The following WWOX variants were observed in gnomAD, a reference collection of about 807,000 sequenced individuals.
WWOX encodes WW domain containing oxidoreductase.
WWOX carries 69 observed loss-of-function variants against 46.2 expected under a neutral mutation model. That is an observed-to-expected ratio of 1.49 (90% confidence interval 1.23 to 1.82). WWOX has a LOEUF of 1.82. Ranked by LOEUF, WWOX falls within the 40% of genes most tolerant of loss-of-function variation. The pLI is 0.00. For synonymous variants in WWOX, 359 were observed against 202.6 expected, an observed-to-expected ratio of 1.77 and a Z score of -6.56; for missense variants, 919 against 542.6, an observed-to-expected ratio of 1.69 and a Z score of -6.89.
intron 8 of WWOX, among the ~76,000 whole-genome samples, chr16:79,008,347 C>G (rs906049517): frequency 6.6e-6 from 1 of 152,204 alleles, no homozygotes; most frequent in Non-Finnish European, 1.5e-5. Context: ...ATCAGTCCCA[C>G]TTAGGATTGA....
rs560257854 is a variant in WWOX at position 78,906,625 on chromosome 16, A to G, written c.1057-304983A>G. On this transcript the variant is annotated intron_variant, in intron 8 of 8. Coordinates refer to ENST00000566780, the MANE Select transcript of WWOX (RefSeq NM_016373.4). ...GAAGTCAGGAGAGCAAAACCATGCCAGTCAGCTTCAGTGATGATAAAGGTT... is the reference window on the plus strand; with the variant it reads ...GAAGTCAGGAGAGCAAAACCATGCCGGTCAGCTTCAGTGATGATAAAGGTT... 3.3e-5 allele frequency among the ~76,000 whole-genome samples: 5 copies of G among 152,366 alleles called. No homozygotes were observed. The South Asian group carries it at 1.0e-3, about 32-fold the overall frequency.
chr16:78,573,678 A>G (rs1489860192), intron 8 of WWOX, among the ~76,000 whole-genome samples: 2 of 152,208 alleles, frequency 1.3e-5, no homozygotes, highest in African/African-American at 2.4e-5. Flanking sequence ...GTAGACAGCC[A>G]TAAGATGGGT....
intron 8 of WWOX, among the ~76,000 whole-genome samples, chr16:78,736,344 C>T (rs924128439): frequency 6.6e-6 from 1 of 152,052 alleles, no homozygotes; most frequent in African/African-American, 2.4e-5. Context: ...ACAAGGATGC[C>T]AGCAAAGTGA....
intron 8 of WWOX, among the ~76,000 whole-genome samples, chr16:78,544,734 G>C (rs370176064): frequency 6.6e-6 from 1 of 151,652 alleles, no homozygotes; most frequent in Admixed American, 6.6e-5. Context: ...AATTAGCTGG[G>C]TATGGTTGTG....
chr16:78,516,386 T>C (rs2043236199), intron 8 of WWOX, among the ~76,000 whole-genome samples: 1 of 152,184 alleles, frequency 6.6e-6, no homozygotes, highest in Non-Finnish European at 1.5e-5. Context: ...CTTCTTCTAA[T>C]AGTTGTGTAA....
intron 8 of WWOX, among the ~76,000 whole-genome samples, chr16:78,904,305 C>G (rs2151246110): frequency 7.4e-6 from 1 of 135,506 alleles, no homozygotes; most frequent in South Asian, 2.4e-4. Context: ...CTGGCATGAT[C>G]TCGGCTCACT....
chr16:78,547,629 A>T (rs902405961), intron 8 of WWOX, among the ~76,000 whole-genome samples: 2 of 152,158 alleles, frequency 1.3e-5, no homozygotes, highest in East Asian at 3.9e-4. Flanking sequence ...ATAGTTCTTG[A>T]GGCTGGGAAG....
At chr16:78,973,747 A>C (rs1197131288) in intron 8 of WWOX, among the ~76,000 whole-genome samples, 1 of 152,196 alleles carries the variant, frequency 6.6e-6, no homozygotes, top group Non-Finnish European at 1.5e-5. Flanking sequence ...AGTAAATGAA[A>C]AGTATTTCTG....
chr16:78,352,266 C>T (rs73567110), intron 5 of WWOX, among the ~76,000 whole-genome samples: 2 of 152,160 alleles, frequency 1.3e-5, no homozygotes, highest in African/African-American at 4.8e-5. Flanking sequence ...TGTTTCCTAT[C>T]TCTGCTGTAA....
intron 8 of WWOX, among the ~76,000 whole-genome samples, chr16:78,936,529 G>A (rs1217121907): frequency 6.6e-6 from 1 of 152,092 alleles, no homozygotes; most frequent in Non-Finnish European, 1.5e-5. Context: ...TCATGCCAGT[G>A]GTAAAGTTAA....
chr16:78,978,120 C>G (rs961083898), intron 8 of WWOX, among the ~76,000 whole-genome samples: 10 of 152,170 alleles, frequency 6.6e-5, no homozygotes, highest in African/African-American at 2.4e-4. Context: ...TGGGATCATA[C>G]AATAGCATCA....
At position 78,797,926 on chromosome 16, in the gene WWOX, G is replaced by A. The variant is rs1040047727; in HGVS notation, c.1056+365174G>A. Among the ~76,000 whole-genome samples, 8 of 152,150 alleles carry A rather than the reference G, an allele frequency of 5.3e-5. No individual in the cohort carries two copies. In the South Asian group the frequency reaches 1.7e-3, roughly 32 times the overall value. On this transcript the variant is annotated intron_variant, in intron 8 of 8. Coordinates refer to ENST00000566780, the MANE Select transcript of WWOX (RefSeq NM_016373.4). ...TTGATTGAGCCCAAGAGGTCAAGAC[G>A]GTAGTGAGTCATGGTCACACCACTG...
chr16:78,599,369 C>A (rs1410640219), intron 8 of WWOX, among the ~76,000 whole-genome samples: 4 of 152,172 alleles, frequency 2.6e-5, no homozygotes, highest in Admixed American at 2.6e-4. Context: ...CTGCAAAGTG[C>A]ATTAAATGGG....
chr16:78,845,106 A>G (rs976801380), intron 8 of WWOX, among the ~76,000 whole-genome samples: 22 of 130,268 alleles, frequency 1.7e-4, no homozygotes, highest in African/African-American at 5.7e-4. Context: ...ATAGCCCTGC[A>G]TTCATGCACT....
At chr16:78,189,324 C>T (rs2151761866) in intron 5 of WWOX, among the ~76,000 whole-genome samples, 1 of 152,348 alleles carries the variant, frequency 6.6e-6, no homozygotes, top group South Asian at 2.1e-4. Flanking sequence ...CGAGGGGTTT[C>T]ACTTCCCACT....
chr16:78,476,006 C>T (rs1318222654), intron 8 of WWOX, among the ~76,000 whole-genome samples: 1 of 152,140 alleles, frequency 6.6e-6, no homozygotes, highest in African/African-American at 2.4e-5. Context: ...TCCAGCTCCG[C>T]CACCCCAACT....
At chr16:78,986,252 T>C (rs760440322) in intron 8 of WWOX, among the ~76,000 whole-genome samples, 2 of 152,152 alleles carry the variant, frequency 1.3e-5, no homozygotes, top group Non-Finnish European at 2.9e-5. Context: ...TTATTGAAAA[T>C]AGTTAATCAG....
intron 8 of WWOX, among the ~76,000 whole-genome samples, chr16:78,882,629 A>G (rs914801940): frequency 2.0e-5 from 3 of 151,486 alleles, no homozygotes; most frequent in African/African-American, 4.9e-5. Context: ...CTGGGATTAC[A>G]GGTATGTGCT....
At chr16:78,809,537 A>G (rs568317994) in intron 8 of WWOX, among the ~76,000 whole-genome samples, 27 of 152,194 alleles carry the variant, frequency 1.8e-4, no homozygotes, top group Middle Eastern at 3.4e-3. Flanking sequence ...TCCAACTTCC[A>G]CTTGCCCCAA....
Sources: allele counts gnomAD v4.1 joint callset (sites outside exome capture counted in the v4.1 genomes callset), GRCh38; gene constraint gnomAD v4.1.1; transcripts MANE v1.5; gene names NCBI Gene and HGNC (gene_info 2026-07-23, HGNC 2026-07-21).